The following TBPL2 variants were observed in gnomAD, a reference collection of about 807,000 sequenced individuals.
The protein encoded by TBPL2 is TATA box-binding protein-like 2.
A neutral mutation model predicts 38.2 loss-of-function variants in TBPL2; 40 were observed. The observed-to-expected ratio is 1.05, with a 90% confidence interval of 0.81 to 1.36. The LOEUF (loss-of-function observed/expected upper bound fraction) is 1.36. Among genes scored for constraint, TBPL2 ranks in the 40% most tolerant of loss-of-function variants. TBPL2 has a pLI of 0.00. For synonymous variants in TBPL2, 169 were observed against 171.7 expected (o/e 0.98, Z 0.12); for missense variants, 461 against 456.7 (o/e 1.01, Z -0.09).
intron 1 of TBPL2, among the ~76,000 whole-genome samples, chr14:55,437,370 G>A (rs953011649): frequency 6.6e-6 from 1 of 152,164 alleles, no homozygotes; most frequent in Admixed American, 6.5e-5. Context: ...CCCAGCTACT[G>A]GGGAGGCTGA....
chr14:55,428,918 C>G, exon 5 of TBPL2: 1 of 1,614,152 alleles, frequency 6.2e-7, no homozygotes, highest in Non-Finnish European at 8.5e-7. Context: ...GGCAGGGAAC[C>G]CAAGCTTCTG....
chr14:55,423,259 C>T (rs1226581889), intron 6 of TBPL2, among the ~76,000 whole-genome samples: 1 of 152,168 alleles, frequency 6.6e-6, no homozygotes, highest in African/African-American at 2.4e-5. Context: ...TGCTGCCAAG[C>T]ATTTGGTAAA....
intron 1 of TBPL2, among the ~76,000 whole-genome samples, chr14:55,439,403 AG>A (rs1486933933): frequency 6.6e-6 from 1 of 152,136 alleles, no homozygotes; most frequent in Admixed American, 6.5e-5. Context: ...TGCAGGGGAC[AG>A]GGGCTCTCTG....
At chr14:55,435,118 G>A (rs1298745597) in intron 3 of TBPL2, among the ~76,000 whole-genome samples, 3 of 152,136 alleles carry the variant, frequency 2.0e-5, no homozygotes, top group Non-Finnish European at 2.9e-5. Flanking sequence ...GTAAATAGGA[G>A]CTTGAACTTT....
chr14:55,414,377 G>T (rs1463845554), exon 7 of TBPL2: 1 of 1,596,738 alleles, frequency 6.3e-7, no homozygotes, highest in East Asian at 2.2e-5. Flanking sequence ...TGAATGATAT[G>T]CTCAGGCTTT....
At chr14:55,439,151 C>T (rs908998552) in intron 1 of TBPL2, among the ~76,000 whole-genome samples, 1 of 152,000 alleles carries the variant, frequency 6.6e-6, no homozygotes, top group Non-Finnish European at 1.5e-5. Context: ...GTTGGCCAGG[C>T]TGGTCTTGAA....
At chr14:55,435,278 A>AT (rs34700693) in intron 3 of TBPL2, among the ~76,000 whole-genome samples, 33,218 of 143,926 alleles carry the variant, frequency 0.23, 6,471 homozygotes, top group African/African-American at 0.54. Context: ...GTCAGGTGAA[A>AT]TTTTTTTTTT....
chr14:55,440,221 A>G (rs189115622), intron 1 of TBPL2, among the ~76,000 whole-genome samples, 175 bp downstream of exon 1: 1 of 152,328 alleles, frequency 6.6e-6, no homozygotes, highest in African/African-American at 2.4e-5. Context: ...CTGTTTGGCA[A>G]CCTTGGTCAA....
rs1885880647 is a variant in TBPL2, at chr14:55,429,057, T to G, written c.789-83A>C. 14 of 1,507,124 alleles carry G rather than the reference T, an allele frequency of 9.3e-6. No homozygotes were observed. In the South Asian group the frequency reaches 1.7e-4, roughly 18 times the overall value. The allele number at this position is 1,507,124 out of a possible 1,614,324, so 93.4% of individuals were successfully genotyped here. On this transcript the variant is annotated intron_variant, in intron 4 of 6. Coordinates refer to ENST00000247219, the Ensembl canonical transcript of TBPL2. The stretch of plus-strand genomic sequence containing the variant: ...GGTGTTGTATTGGATTGTTACCATT[T>G]GTACCACGTTTATCTTTCAATGTAT...
Position 55,435,951 on chromosome 14 carries a change from G to T in TBPL2, c.609-17C>A. The T allele has an allele frequency of 2.8e-6, 4 of 1,414,304 alleles. No homozygotes were observed. The highest frequency in any genetic ancestry group is 1.3e-5 in the South Asian group (1 of 79,266). 87.6% of individuals were successfully genotyped at this position (1,414,304 alleles called of 1,614,324 possible). ...ACTATATTCCTGAAGAAATAAGTCA[G>T]TTTAGAAACTTATATCAGATATAAA... On this transcript the variant is annotated splice_polypyrimidine_tract_variant and intron_variant, in intron 2 of 6. Coordinates refer to ENST00000247219, the Ensembl canonical transcript of TBPL2.
At chr14:55,416,409 T>C (rs1391326784) in intron 6 of TBPL2, among the ~76,000 whole-genome samples, 1 of 151,490 alleles carries the variant, frequency 6.6e-6, no homozygotes, top group Admixed American at 6.6e-5. Context: ...CCGGGTAACA[T>C]AGGGACACCC....
chr14:55,430,914 T>C (rs1885915396), intron 4 of TBPL2, among the ~76,000 whole-genome samples: 1 of 152,260 alleles, frequency 6.6e-6, no homozygotes, highest in Non-Finnish European at 1.5e-5. Flanking sequence ...CAAGTTTGCA[T>C]AGTCCTGTAG....
At chr14:55,430,171 C>A (rs1324755786) in intron 4 of TBPL2, among the ~76,000 whole-genome samples, 1 of 152,066 alleles carries the variant, frequency 6.6e-6, no homozygotes. Flanking sequence ...GGTAGCAACA[C>A]CTGCAGGGTG....
At chr14:55,432,629 G>A (rs1394578979) in intron 4 of TBPL2, among the ~76,000 whole-genome samples, 1 of 152,164 alleles carries the variant, frequency 6.6e-6, no homozygotes, top group Non-Finnish European at 1.5e-5. Context: ...TCAAAGAAAT[G>A]TAAAACAATG....
rs754237658 is a variant in TBPL2, at chr14:55,424,230, C to T, written c.980G>A (p.Gly327Asp). Residue 327 changes from glycine (G) to aspartate (D), a missense_variant, in exon 6 of 7, where the codon GGT (glycine) becomes GAT (aspartate). Coordinates refer to ENST00000247219, the Ensembl canonical transcript of TBPL2. ...TGGTTTTACCATTCTATAAATAAGA[C>T]CAGGAAACAGTTCAGGCTCGTAACT... 7 of 1,612,608 alleles carry T rather than the reference C, an allele frequency of 4.3e-6. No individual in the cohort carries two copies. In the African/African-American group the frequency reaches 8.0e-5, roughly 18 times the overall value.
intron 1 of TBPL2, chr14:55,438,995 T>G (rs923983765): frequency 1.3e-4 from 19 of 148,130 alleles, no homozygotes; most frequent in African/African-American, 4.5e-4. Context: ...TGGAGTGCAG[T>G]GGCACCATCT....
Position 55,414,456 on chromosome 14 carries a change from CTA to C in TBPL2, c.1052-3_1052-2del. ...TAGATCTCAGAACGTTCTTTGGCAC[CTA>C]TAAAGAAATCCAGGTTTATATAATT... On this transcript the variant is annotated splice_acceptor_variant and splice_polypyrimidine_tract_variant and intron_variant, in intron 6 of 6. Transcript: ENST00000247219. LOFTEE classifies it high-confidence loss of function. 6.3e-7 allele frequency: 1 copy of C among 1,595,056 alleles called. No individual in the cohort carries two copies. Among genetic ancestry groups the C allele is most frequent in the South Asian group, 1.2e-5 (1 of 86,150 alleles).
At chr14:55,414,573 ACC>A in intron 6 of TBPL2, 118 bp from the exon 7 acceptor site, 1 of 680,870 alleles carries the variant, frequency 1.5e-6, no homozygotes, top group Non-Finnish European at 2.3e-6. Flanking sequence ...CTTTAGCTGT[ACC>A]TGAGAAATGG....
Position 55,435,841 on chromosome 14 carries a change from T to C in TBPL2, c.696+6A>G, listed in dbSNP as rs762023829. On this transcript the variant is annotated splice_donor_region_variant and intron_variant, in intron 3 of 6. Coordinates refer to ENST00000247219, the Ensembl canonical transcript of TBPL2. ...AATTATTGGAAGGAATACTGAGAAA[T>C]GTTACCTTTGGGTTATATTCTGCAT... The C allele has an allele frequency of 2.6e-6, 4 of 1,544,200 alleles. No homozygotes were observed. The highest frequency in any genetic ancestry group is 3.5e-6 in the Non-Finnish European group (4 of 1,147,958).
Sources: allele counts gnomAD v4.1 joint callset (sites outside exome capture counted in the v4.1 genomes callset), GRCh38; gene constraint gnomAD v4.1.1; transcripts MANE v1.5; gene names NCBI Gene and HGNC (gene_info 2026-07-23, HGNC 2026-07-21).